The following NCKAP5 variants were observed in gnomAD, a reference collection of about 807,000 sequenced individuals.
NCKAP5 encodes nck-associated protein 5.
In NCKAP5, 92 loss-of-function variants were observed where a neutral mutation model predicts 167.0. That is an observed-to-expected ratio of 0.55 (90% CI 0.47 to 0.66). The LOEUF (loss-of-function observed/expected upper bound fraction) is 0.66. Among genes scored for constraint, NCKAP5 ranks in the 30% least tolerant of loss-of-function variants. The pLI, the probability that NCKAP5 is intolerant of heterozygous loss-of-function variation, is 0.00. For synonymous variants in NCKAP5, 891 were observed against 877.4 expected (o/e 1.02, Z -0.27); for missense variants, 2,378 against 2,315.0 (o/e 1.03, Z -0.56).
intron 6 of NCKAP5, among the ~76,000 whole-genome samples, chr2:133,007,458 C>T (rs1044328065): frequency 6.6e-6 from 1 of 152,078 alleles, no homozygotes; most frequent in Non-Finnish European, 1.5e-5. Context: ...GGTAAAGCAC[C>T]TCTCTCCAAG....
chr2:133,459,540 A>G (rs1692075047), intron 3 of NCKAP5, among the ~76,000 whole-genome samples: 1 of 152,186 alleles, frequency 6.6e-6, no homozygotes, highest in African/African-American at 2.4e-5. Context: ...CCTATGTATA[A>G]AGAAATATAC....
chr2:132,986,062 A>C (rs16844906), intron 7 of NCKAP5, among the ~76,000 whole-genome samples: 6,858 of 152,080 alleles, frequency 0.045, 451 homozygotes, highest in East Asian at 0.37. Flanking sequence ...CATTTTGTTA[A>C]GGCTTAAAAA....
At chr2:133,520,230 C>A (rs1366564222) in intron 2 of NCKAP5, among the ~76,000 whole-genome samples, 1 of 152,002 alleles carries the variant, frequency 6.6e-6, no homozygotes, top group African/African-American at 2.4e-5. Context: ...GAGAGAGGAC[C>A]CATTTCTTAG....
intron 3 of NCKAP5, among the ~76,000 whole-genome samples, chr2:133,324,909 T>C (rs989926840): frequency 1.3e-5 from 2 of 152,128 alleles, no homozygotes; most frequent in African/African-American, 4.8e-5. Context: ...AGTTTCACCA[T>C]GTTGACCAGG....
intron 6 of NCKAP5, among the ~76,000 whole-genome samples, chr2:133,042,075 G>A (rs891973335): frequency 4.0e-5 from 6 of 151,884 alleles, no homozygotes; most frequent in Admixed American, 6.6e-5. Flanking sequence ...AATCATCTGA[G>A]GATTAAATAT....
intron 2 of NCKAP5, among the ~76,000 whole-genome samples, chr2:133,536,608 T>C (rs1040264606): frequency 1.3e-5 from 2 of 152,006 alleles, no homozygotes; most frequent in Admixed American, 6.6e-5. Context: ...AAGAGAAATA[T>C]CTGTATTCCA....
chr2:132,734,233 T>C (rs1461882717), intron 16 of NCKAP5, among the ~76,000 whole-genome samples: 1 of 152,214 alleles, frequency 6.6e-6, no homozygotes, highest in African/African-American at 2.4e-5. Context: ...TCTGTTTGCA[T>C]GGGGAGGCAC....
chr2:133,393,841 T>C (rs1687574161), intron 3 of NCKAP5, among the ~76,000 whole-genome samples: 1 of 152,242 alleles, frequency 6.6e-6, no homozygotes, highest in South Asian at 2.1e-4. Flanking sequence ...GGAAAATTGC[T>C]GTGCTTTGTC....
intron 11 of NCKAP5, among the ~76,000 whole-genome samples, chr2:132,802,303 G>A (rs1685103985): frequency 6.6e-6 from 1 of 152,186 alleles, no homozygotes; most frequent in African/African-American, 2.4e-5. Context: ...CTCAAATCTA[G>A]TGGACTGGAT....
At chr2:133,130,322 C>T (rs2082556062) in intron 5 of NCKAP5, among the ~76,000 whole-genome samples, 1 of 152,082 alleles carries the variant, frequency 6.6e-6, no homozygotes, top group African/African-American at 2.4e-5. Flanking sequence ...GTCATATAAA[C>T]CAGAAGGTAA....
At chr2:133,326,458 CA>C (rs34750625) in intron 3 of NCKAP5, among the ~76,000 whole-genome samples, 231 of 49,016 alleles carry the variant, frequency 4.7e-3, no homozygotes, top group East Asian at 0.018. Flanking sequence ...TCAGTCTCAA[CA>C]AAAAAAAAAA....
intron 3 of NCKAP5, among the ~76,000 whole-genome samples, chr2:133,419,334 A>G (rs913179677): frequency 6.6e-6 from 1 of 152,244 alleles, no homozygotes; most frequent in East Asian, 1.9e-4. Context: ...GCCCAGTGAT[A>G]TGATTTATCC....
At chr2:133,514,365 C>CA (rs1353638453) in intron 3 of NCKAP5, among the ~76,000 whole-genome samples, 1 of 152,150 alleles carries the variant, frequency 6.6e-6, no homozygotes, top group East Asian at 1.9e-4. Context: ...CACACACATA[C>CA]ACTCAAACCC....
chr2:133,133,702 A>T (rs2082688316), intron 5 of NCKAP5, among the ~76,000 whole-genome samples: 2 of 152,210 alleles, frequency 1.3e-5, no homozygotes, highest in South Asian at 4.1e-4. Context: ...TCTGCAAAAA[A>T]TATCTTCAAT....
intron 8 of NCKAP5, among the ~76,000 whole-genome samples, chr2:132,888,797 A>C (rs886448192): frequency 6.6e-6 from 1 of 152,240 alleles, no homozygotes; most frequent in African/African-American, 2.4e-5. Context: ...ATAGTAGAGG[A>C]GACTGAGGTT....
chr2:133,152,721 T>A (rs1447039668), intron 5 of NCKAP5, among the ~76,000 whole-genome samples: 1 of 152,232 alleles, frequency 6.6e-6, no homozygotes, highest in Non-Finnish European at 1.5e-5. Context: ...AGTATAGTCA[T>A]GTGCCATATA....
At chr2:133,415,966 T>A (rs1046121164) in intron 3 of NCKAP5, among the ~76,000 whole-genome samples, 40 of 152,196 alleles carry the variant, frequency 2.6e-4, no homozygotes, top group African/African-American at 8.7e-4. Context: ...AACAACTTGT[T>A]TGGATTTTGG....
chr2:133,130,196 G>C, intron 5 of NCKAP5, 85 bp from the exon 6 acceptor site: 1 of 1,401,520 alleles, frequency 7.1e-7, no homozygotes, highest in East Asian at 2.5e-5. Context: ...GATAACTTGA[G>C]CTTTATATAT....
intron 2 of NCKAP5, among the ~76,000 whole-genome samples, chr2:133,532,885 G>A (rs1273790522): frequency 2.6e-5 from 4 of 152,144 alleles, no homozygotes; most frequent in Non-Finnish European, 4.4e-5. Flanking sequence ...AAGAACCAAT[G>A]CTCACCTTCA....
Sources: gnomAD v4.1 joint callset for allele counts (sites outside exome capture counted in the v4.1 genomes callset) on GRCh38, gnomAD v4.1.1 for gene constraint, MANE v1.5 for transcripts, NCBI Gene and HGNC (gene_info 2026-07-23, HGNC 2026-07-21) for gene names.